The following SERP2 variants were observed in gnomAD, a reference collection of about 807,000 sequenced individuals.
The protein encoded by SERP2 is stress associated endoplasmic reticulum protein family member 2.
SERP2 carries 6 observed loss-of-function variants against 9.1 expected under a neutral mutation model. The observed-to-expected ratio is 0.66, with a 90% CI of 0.36 to 1.30. The LOEUF is 1.30. SERP2 is among the 50% of genes most tolerant of loss of function. The probability of loss-of-function intolerance (pLI) is 0.03; values close to 1 mark genes in which losing one functional copy is unlikely to be tolerated. For missense variants in SERP2, 58 were observed against 81.9 expected, an observed-to-expected ratio of 0.71 and a Z score of 1.13; for synonymous variants, 37 against 27.3, an observed-to-expected ratio of 1.35 and a Z score of -1.10.
chr13:44,393,864 G>C (rs1263171613), intron 2 of SERP2, among the ~76,000 whole-genome samples: 2 of 152,136 alleles, frequency 1.3e-5, no homozygotes, highest in African/African-American at 4.8e-5. Context: ...AACTGAAAAA[G>C]AAATAATAAA....
At chr13:44,378,724 T>C (rs1424183727) in intron 1 of SERP2, among the ~76,000 whole-genome samples, 1 of 152,170 alleles carries the variant, frequency 6.6e-6, no homozygotes, top group Non-Finnish European at 1.5e-5. Flanking sequence ...TTCTGATGCA[T>C]CTCTCAGAAA....
At chr13:44,378,590 A>C (rs1871792982) in intron 1 of SERP2, among the ~76,000 whole-genome samples, 1 of 152,184 alleles carries the variant, frequency 6.6e-6, no homozygotes, top group South Asian at 2.1e-4. Context: ...TGTGTTTTGC[A>C]TGTGAATTCT....
rs866262300 is a variant in SERP2 at position 44,396,327 on chromosome 13, G to T, written c.158-945G>T. Among the ~76,000 whole-genome samples, 5 of 151,324 alleles carry T rather than the reference G, an allele frequency of 3.3e-5. No homozygotes were observed. The South Asian group carries it at 6.3e-4, about 19-fold the overall frequency. ...CTCTGTTTTACCGTGGATCCTGGAT[G>T]TATTCCAGGATGACTTTAAGAAGGC... On this transcript the variant is annotated intron_variant, in intron 2 of 2. Coordinates refer to ENST00000379179, the MANE Select transcript of SERP2 (RefSeq NM_001010897.3).
At chr13:44,380,157 G>A (rs753942115) in intron 2 of SERP2, among the ~76,000 whole-genome samples, 4 of 152,116 alleles carry the variant, frequency 2.6e-5, no homozygotes, top group Non-Finnish European at 5.9e-5. Flanking sequence ...AAGCCTTAAG[G>A]TATGGGTCAC....
intron 2 of SERP2, 141 bp downstream of exon 2, chr13:44,379,854 G>A: frequency 1.7e-6 from 1 of 586,568 alleles, no homozygotes; most frequent in East Asian, 2.7e-5. Context: ...TAATCTTAAT[G>A]GGTTTTGATT....
chr13:44,385,306 GGA>G (rs1237120307), intron 2 of SERP2, among the ~76,000 whole-genome samples: 2 of 152,142 alleles, frequency 1.3e-5, no homozygotes, highest in African/African-American at 4.8e-5. Context: ...ATGAGGACTG[GGA>G]GAGTAGTGAG....
chr13:44,389,833 G>A (rs921662711), intron 2 of SERP2, among the ~76,000 whole-genome samples: 1 of 152,094 alleles, frequency 6.6e-6, no homozygotes, highest in African/African-American at 2.4e-5. Context: ...AACTGTTTTG[G>A]CTACCATTTA....
At position 44,385,496 on chromosome 13, in the gene SERP2, T is replaced by C. The variant is rs9567425; in HGVS notation, c.157+5783T>C. Among the ~76,000 whole-genome samples the C allele has an allele frequency of 7.9e-5, 12 of 152,346 alleles. No individual in the cohort carries two copies. The South Asian group carries it at 8.3e-4, about 11-fold the overall frequency. On this transcript the variant is annotated intron_variant, in intron 2 of 2. Transcript: ENST00000379179. ...GCACTTGGTGGAAACCTCTAATACA[T>C]TGTCCTGGTGAGAGGGAGTTTGGGG... is the stretch of plus-strand genomic sequence containing the variant.
chr13:44,386,201 G>T (rs1872303822), intron 2 of SERP2, among the ~76,000 whole-genome samples: 1 of 150,786 alleles, frequency 6.6e-6, no homozygotes, highest in African/African-American at 2.5e-5. Flanking sequence ...TAATTTGAAT[G>T]TCAGGAAAAA....
chr13:44,383,589 A>T lies in SERP2; in HGVS notation c.157+3876A>T, dbSNP rs1334355613. Among the ~76,000 whole-genome samples, 9 of 118,832 alleles carry T rather than the reference A, an allele frequency of 7.6e-5. No individual in the cohort carries two copies. In the Admixed American group the frequency reaches 1.0e-3, roughly 13 times the overall value. 78.0% of individuals were successfully genotyped at this position (118,832 alleles called of 152,430 possible). A position where few individuals can be genotyped will look rare whatever the true frequency, so the allele number is the denominator to read the frequency against. On this transcript the variant is annotated intron_variant, in intron 2 of 2. Coordinates refer to ENST00000379179, the MANE Select transcript of SERP2 (RefSeq NM_001010897.3). The stretch of plus-strand genomic sequence containing the variant: ...TTTGAGACAGAGTCTCGTTCTATTG[A>T]CAGGCTGGAGTGCAGTGGCGCAATC...
In SERP2 at chr13:44,397,287, T is replaced by C; in HGVS notation, c.173T>C (p.Ile58Thr). The stretch of plus-strand genomic sequence containing the variant: ...CTCTTTTCAGCTATCTTTCAGATCA[T>C]TCAGAGCATAAGGATGGGCATGTGA... ...VVCGSAIFQI[I>T]QSIRMGM is the part of the protein sequence containing the mutation. The change falls in exon 3 of 3, where the codon ATT becomes ACT. Residue 58 changes from isoleucine to threonine, a missense_variant. By Grantham distance (89) the Ile-to-Thr change is moderately conservative (BLOSUM62 -1). Transcript: ENST00000379179. 1 of 1,613,930 alleles carries C rather than the reference T, an allele frequency of 6.2e-7. No individual in the cohort carries two copies. Among genetic ancestry groups the C allele is most frequent in the Non-Finnish European group, 8.5e-7 (1 of 1,179,818 alleles).
intron 2 of SERP2, among the ~76,000 whole-genome samples, chr13:44,387,003 A>C (rs1200471094): frequency 6.6e-6 from 1 of 152,194 alleles, no homozygotes; most frequent in African/African-American, 2.4e-5. Flanking sequence ...TAAGCAGCTC[A>C]TCCTGGCTCT....
At chr13:44,375,743 T>A (rs151314226) in intron 1 of SERP2, among the ~76,000 whole-genome samples, 348 of 152,316 alleles carry the variant, frequency 2.3e-3, no homozygotes, top group African/African-American at 7.3e-3. Context: ...ATTACAAAAG[T>A]AAGAAGAAAA....
At chr13:44,396,539 G>T (rs943117635) in intron 2 of SERP2, among the ~76,000 whole-genome samples, 1 of 151,766 alleles carries the variant, frequency 6.6e-6, no homozygotes, top group East Asian at 1.9e-4. Context: ...ATGTGAAAAA[G>T]AAGTTGGGAT....
chr13:44,391,392 C>T (rs576017875), intron 2 of SERP2, among the ~76,000 whole-genome samples: 33 of 152,290 alleles, frequency 2.2e-4, no homozygotes, highest in African/African-American at 7.5e-4. Flanking sequence ...TCTTTGCAAT[C>T]GTTCACTTTT....
At chr13:44,385,500 C>T (rs1298582098) in intron 2 of SERP2, among the ~76,000 whole-genome samples, 1 of 152,202 alleles carries the variant, frequency 6.6e-6, no homozygotes, top group African/African-American at 2.4e-5. Flanking sequence ...AATACATTGT[C>T]CTGGTGAGAG....
At chr13:44,388,490 C>G (rs1227868948) in intron 2 of SERP2, among the ~76,000 whole-genome samples, 1 of 152,186 alleles carries the variant, frequency 6.6e-6, no homozygotes, top group Non-Finnish European at 1.5e-5. Context: ...GGAAATTGTG[C>G]CTGGCTCCAG....
intron 2 of SERP2, among the ~76,000 whole-genome samples, chr13:44,388,278 TTGTGTG>T (rs10538071): frequency 6.6e-6 from 1 of 151,948 alleles, no homozygotes; most frequent in Admixed American, 6.6e-5. Flanking sequence ...GTGGGTTTTT[TTGTGTG>T]TGTGTTTGTT....
chr13:44,392,196 C>CAAAAAAAAAAAAAAAA lies in SERP2; in HGVS notation c.158-5074_158-5059dup, dbSNP rs760513486. 2.0e-3 allele frequency among the ~76,000 whole-genome samples: 72 copies of CAAAAAAAAAAAAAAAA among 35,986 alleles called. 23 individuals are homozygous for CAAAAAAAAAAAAAAAA. Among genetic ancestry groups the CAAAAAAAAAAAAAAAA allele is most frequent in the African/African-American group, 5.0e-3 (39 of 7,870 alleles). The allele number at this position is 35,986 out of a possible 152,430, so 23.6% of individuals were successfully genotyped here. On this transcript the variant is annotated intron_variant, in intron 2 of 2. Transcript: ENST00000379179. ...CTGGTGACAGAGTGAGACTCTGTCT[C>CAAAAAAAAAAAAAAAA]AAAAAAAAAAAAAAAAAGCCCTGTG...
Sources: gnomAD v4.1 joint callset for allele counts (sites outside exome capture counted in the v4.1 genomes callset) on GRCh38, gnomAD v4.1.1 for gene constraint, MANE v1.5 for transcripts, NCBI Gene and HGNC (gene_info 2026-07-23, HGNC 2026-07-21) for gene names.